The following NDUFAF7 variants were observed in gnomAD, a reference collection of about 807,000 sequenced individuals.
NDUFAF7 encodes the protein protein arginine methyltransferase NDUFAF7, mitochondrial.
NDUFAF7 carries 48 observed loss-of-function variants against 47.2 expected under a neutral mutation model. The observed-to-expected ratio is 1.02, with a 90% confidence interval of 0.81 to 1.29. The LOEUF (loss-of-function observed/expected upper bound fraction) is 1.29. NDUFAF7 is among the 50% of genes most tolerant of loss of function. The probability of loss-of-function intolerance (pLI) is 0.00; values close to 1 mark genes in which losing one functional copy is unlikely to be tolerated. For synonymous variants in NDUFAF7, 217 were observed against 190.0 expected (o/e 1.14, Z -1.17); for missense variants, 635 against 537.6 (o/e 1.18, Z -1.79).
intron 3 of NDUFAF7, among the ~76,000 whole-genome samples, chr2:37,237,462 T>C (rs1030576899): frequency 1.3e-5 from 2 of 152,254 alleles, no homozygotes; most frequent in Non-Finnish European, 2.9e-5. Flanking sequence ...TATGTTTATT[T>C]GCTTTCAAAT....
At position 37,248,440 on chromosome 2, in the gene NDUFAF7, A is replaced by T. The variant is rs532283345; in HGVS notation, c.*90A>T. On this transcript the variant is annotated 3_prime_UTR_variant, in exon 10 of 10. Transcript: ENST00000002125. ...CATATACTGCAGGTAACAAAAGTCA[A>T]AGTATTTTATCTTTTCACAGCAAGA... is the stretch of plus-strand genomic sequence containing the variant. 1 of 1,244,610 alleles carries T rather than the reference A, an allele frequency of 8.0e-7. No homozygotes were observed. The highest frequency in any genetic ancestry group is 2.3e-5 in the East Asian group (1 of 43,080). The allele number at this position is 1,244,610 out of a possible 1,614,324, so 77.1% of individuals were successfully genotyped here.
chr2:37,235,809 C>G (rs777210701), intron 2 of NDUFAF7, among the ~76,000 whole-genome samples: 6 of 152,046 alleles, frequency 3.9e-5, no homozygotes, highest in Non-Finnish European at 8.8e-5. Context: ...CACCCTCCAC[C>G]ATGCCCGGCT....
At chr2:37,232,680 A>G (rs899967123) in intron 2 of NDUFAF7, among the ~76,000 whole-genome samples, 1 of 152,182 alleles carries the variant, frequency 6.6e-6, no homozygotes, top group Non-Finnish European at 1.5e-5. Context: ...GCAGCTGGAA[A>G]TAGGAATTAC....
In NDUFAF7 at chr2:37,232,035, A is replaced by G. The variant is rs1310525601; in HGVS notation, c.56-71A>G. 3 of 1,612,120 alleles carry G rather than the reference A, an allele frequency of 1.9e-6. No individual in the cohort carries two copies. The African/African-American group carries it at 4.0e-5, about 22-fold the overall frequency. On this transcript the variant is annotated intron_variant, in intron 1 of 9. Coordinates refer to ENST00000002125, the MANE Select transcript of NDUFAF7 (RefSeq NM_144736.5). Reference sequence around the variant, plus strand: ...AAGGGTTCACGAAGCTGTTTTGAAAACGCTCAGGCGGCTTGCGCTCGTGAA... The same window carrying G: ...AAGGGTTCACGAAGCTGTTTTGAAAGCGCTCAGGCGGCTTGCGCTCGTGAA...
the NDUFAF7 span, among the ~76,000 whole-genome samples, chr2:37,265,829 T>C: frequency 3.3e-5 from 5 of 152,328 alleles, no homozygotes; most frequent in Admixed American, 1.3e-4. Context: ...ATGAAGTTTT[T>C]CATACTGTGC....
chr2:37,262,464 C>A, the NDUFAF7 span, among the ~76,000 whole-genome samples: 1 of 152,150 alleles, frequency 6.6e-6, no homozygotes, highest in Non-Finnish European at 1.5e-5. Context: ...GACTTGTTTG[C>A]TAATCATTTT....
At chr2:37,259,262 T>G in the NDUFAF7 span, among the ~76,000 whole-genome samples, 3 of 152,196 alleles carry the variant, frequency 2.0e-5, no homozygotes, top group African/African-American at 7.2e-5. Context: ...CCCCATTTGT[T>G]TTATTTATGA....
chr2:37,262,459 G>C, the NDUFAF7 span, among the ~76,000 whole-genome samples: 1 of 152,142 alleles, frequency 6.6e-6, no homozygotes, highest in East Asian at 1.9e-4. Context: ...AAATAGACTT[G>C]TTTGCTAATC....
chr2:37,247,884 G>A (rs1328901427), intron 9 of NDUFAF7, among the ~76,000 whole-genome samples: 3 of 152,166 alleles, frequency 2.0e-5, no homozygotes, highest in Non-Finnish European at 4.4e-5. Flanking sequence ...TTTTCTAACT[G>A]TTCTTCTGAG....
At chr2:37,259,624 G>A in the NDUFAF7 span, 2 of 1,613,404 alleles carry the variant, frequency 1.2e-6, no homozygotes, top group Non-Finnish European at 1.7e-6. Context: ...ACATTTTCTG[G>A]CTTTAAATCA....
downstream of NDUFAF7, chr2:37,249,227 A>G (rs1228125637): frequency 6.6e-6 from 1 of 152,158 alleles, no homozygotes. Context: ...ATGAATGCAC[A>G]ATTTTCCCAA....
chr2:37,245,979 A>T (rs1173880267), intron 7 of NDUFAF7, 73 bp from the exon 8 acceptor site: 1 of 1,531,936 alleles, frequency 6.5e-7, no homozygotes, highest in Non-Finnish European at 8.9e-7. Flanking sequence ...CATTGAGGAA[A>T]AACCTGAAAA....
At chr2:37,268,534 C>A in the NDUFAF7 span, 1 of 337,496 alleles carries the variant, frequency 3.0e-6, no homozygotes, top group Non-Finnish European at 5.8e-6. Flanking sequence ...ATAATGTAAA[C>A]CCAAAGGGTA....
chr2:37,241,799 C>G lies in NDUFAF7; in HGVS notation c.622+8C>G, dbSNP rs1057521009. On this transcript the variant is annotated splice_region_variant and intron_variant, in intron 5 of 9. Coordinates refer to ENST00000002125, the MANE Select transcript of NDUFAF7 (RefSeq NM_144736.5). ...TGCACGATGTTCCAAAAGGTAATTACCTTTATGTGGATTAATGAAAGAATT... is the reference window on the plus strand; with the variant it reads ...TGCACGATGTTCCAAAAGGTAATTAGCTTTATGTGGATTAATGAAAGAATT... The G allele has an allele frequency of 4.3e-6, 7 of 1,610,646 alleles. No individual in the cohort carries two copies. The highest frequency in any genetic ancestry group is 5.9e-6 in the Non-Finnish European group (7 of 1,178,488).
intron 2 of NDUFAF7, among the ~76,000 whole-genome samples, chr2:37,234,193 G>C (rs561606254): frequency 6.6e-6 from 1 of 152,282 alleles, no homozygotes; most frequent in Non-Finnish European, 1.5e-5. Context: ...AGGTTCAAAG[G>C]ATTCTTGTGC....
chr2:37,247,926 CT>C (rs1572573099), intron 9 of NDUFAF7, among the ~76,000 whole-genome samples: 1 of 152,184 alleles, frequency 6.6e-6, no homozygotes, highest in East Asian at 1.9e-4. Flanking sequence ...ATCAAACCCC[CT>C]GAGGATATTT....
the NDUFAF7 span, chr2:37,269,015 A>C: frequency 1.9e-5 from 3 of 153,912 alleles, no homozygotes; most frequent in African/African-American, 7.2e-5. Context: ...ACCAAGTCTT[A>C]GCAAGGGATA....
chr2:37,262,768 A>G, the NDUFAF7 span, among the ~76,000 whole-genome samples: 2 of 152,028 alleles, frequency 1.3e-5, no homozygotes, highest in Non-Finnish European at 2.9e-5. Context: ...AACTTCCTCT[A>G]TTGGTTTACA....
At chr2:37,235,803 C>A (rs1482956310) in intron 2 of NDUFAF7, among the ~76,000 whole-genome samples, 1 of 152,006 alleles carries the variant, frequency 6.6e-6, no homozygotes, top group Non-Finnish European at 1.5e-5. Context: ...TACGGGCACC[C>A]TCCACCATGC....
Sources: allele counts gnomAD v4.1 joint callset (sites outside exome capture counted in the v4.1 genomes callset), GRCh38; gene constraint gnomAD v4.1.1; transcripts MANE v1.5; gene names NCBI Gene and HGNC (gene_info 2026-07-23, HGNC 2026-07-21).